MLLT1: variants seen among roughly 807,000 people sequenced by gnomAD.
MLLT1 encodes the protein protein ENL.
In MLLT1, 11 loss-of-function variants were observed where a neutral mutation model predicts 55.1. That is an observed-to-expected ratio of 0.20 (90% confidence interval 0.13 to 0.33). The LOEUF (loss-of-function observed/expected upper bound fraction) is 0.33, where lower values mean the gene tolerates loss of function less well. Ranked by LOEUF, MLLT1 falls within the 10% of genes least tolerant of loss-of-function variation. The pLI is 1.00. For missense variants in MLLT1, 536 were observed against 760.6 expected (o/e 0.70, Z 3.47); for synonymous variants, 323 against 320.1 (o/e 1.01, Z -0.10).
At chr19:6,245,575 C>T (rs565837409) in intron 3 of MLLT1, among the ~76,000 whole-genome samples, 7 of 152,138 alleles carry the variant, frequency 4.6e-5, no homozygotes, top group African/African-American at 1.4e-4. Context: ...GCCGGGCATG[C>T]TGGCAGGCAC....
intron 3 of MLLT1, among the ~76,000 whole-genome samples, chr19:6,245,882 C>A (rs1357419877): frequency 1.3e-5 from 2 of 152,012 alleles, no homozygotes; most frequent in African/African-American, 4.8e-5. Flanking sequence ...GCCTAAGCGA[C>A]ACAGTAAGGC....
chr19:6,248,467 C>A (rs889351766), intron 3 of MLLT1, among the ~76,000 whole-genome samples: 1 of 152,178 alleles, frequency 6.6e-6, no homozygotes, highest in Non-Finnish European at 1.5e-5. Flanking sequence ...TCAAGGTCAA[C>A]CTCGGCTGTT....
intron 4 of MLLT1, among the ~76,000 whole-genome samples, chr19:6,228,130 C>G (rs1050086007): frequency 2.6e-5 from 4 of 152,170 alleles, no homozygotes; most frequent in African/African-American, 9.7e-5. Flanking sequence ...TAGCTCAGCA[C>G]TGACAGCATG....
chr19:6,237,763 CAAAAA>C (rs1269996726), intron 3 of MLLT1, among the ~76,000 whole-genome samples: 3 of 71,768 alleles, frequency 4.2e-5, no homozygotes, highest in Non-Finnish European at 3.0e-5. Context: ...ACTCTTGTCT[CAAAAA>C]AAAAAAAAAA....
At chr19:6,237,105 G>A (rs986035388) in intron 3 of MLLT1, among the ~76,000 whole-genome samples, 9 of 152,240 alleles carry the variant, frequency 5.9e-5, no homozygotes, top group African/African-American at 1.2e-4. Context: ...CAGCGAGCCC[G>A]CCACGCCTGC....
At position 6,273,799 on chromosome 19, in the gene MLLT1, G is replaced by A. The variant is rs377266089; in HGVS notation, c.13-3040C>T. 3.5e-4 allele frequency among the ~76,000 whole-genome samples: 53 copies of A among 152,322 alleles called. No individual in the cohort carries two copies. The highest frequency in any genetic ancestry group is 1.0e-3 in the African/African-American group (43 of 41,570). On this transcript the variant is annotated intron_variant, in intron 1 of 11. Transcript: ENST00000252674. This position sits in a 1 kb window ranked among gnomAD's most constrained non-coding sequence, Gnocchi z 4.3. Reference sequence around the variant, plus strand: ...ACAATGACAGTGTCTCCTCGGAATCGCTTATTCACTGACCCGGCCACTCAG... The same window carrying A: ...ACAATGACAGTGTCTCCTCGGAATCACTTATTCACTGACCCGGCCACTCAG...
intron 1 of MLLT1, among the ~76,000 whole-genome samples, chr19:6,274,681 C>T (rs903176789): frequency 2.6e-5 from 4 of 152,184 alleles, no homozygotes; most frequent in African/African-American, 9.7e-5. Context: ...CTTCCCTGCA[C>T]CTCTGGGACC....
At chr19:6,213,672 T>TTGC in intron 10 of MLLT1, 54 bp downstream of exon 10, 131 of 1,075,124 alleles carry the variant, frequency 1.2e-4, no homozygotes, top group Middle Eastern at 2.1e-4. Flanking sequence ...TGGCTGCAAC[T>TTGC]CCCACCACCC....
intron 1 of MLLT1, among the ~76,000 whole-genome samples, chr19:6,272,022 C>G (rs1019651672): frequency 2.6e-5 from 4 of 152,256 alleles, no homozygotes; most frequent in African/African-American, 9.6e-5. Context: ...TCTCCGTCCC[C>G]CTCTGAGCTC....
intron 1 of MLLT1, among the ~76,000 whole-genome samples, chr19:6,278,932 G>C (rs1268956320): frequency 6.6e-6 from 1 of 152,110 alleles, no homozygotes; most frequent in Non-Finnish European, 1.5e-5. Context: ...ACAAAGAGAG[G>C]GGACACTCCA....
chr19:6,274,773 C>A (rs751800044), intron 1 of MLLT1, among the ~76,000 whole-genome samples: 11 of 152,228 alleles, frequency 7.2e-5, no homozygotes, highest in Non-Finnish European at 1.5e-4. Flanking sequence ...GTCCGTCTCA[C>A]TTCTGGGAAA....
At chr19:6,274,262 G>A (rs1005282069) in intron 1 of MLLT1, among the ~76,000 whole-genome samples, 3 of 152,328 alleles carry the variant, frequency 2.0e-5, no homozygotes, top group Middle Eastern at 3.4e-3. Flanking sequence ...TCAGTAAGAC[G>A]CTCAAGCCAC....
chr19:6,253,518 T>TA (rs1465656038), intron 3 of MLLT1, among the ~76,000 whole-genome samples: 3 of 151,946 alleles, frequency 2.0e-5, no homozygotes, highest in Non-Finnish European at 4.4e-5. Context: ...CAGACAAAGA[T>TA]ACCACAAGAA....
chr19:6,270,893 G>C lies in MLLT1; in HGVS notation c.13-134C>G. 1.2e-6 allele frequency: 1 copy of C among 839,030 alleles called. No individual in the cohort carries two copies. The highest frequency in any genetic ancestry group is 1.8e-6 in the Non-Finnish European group (1 of 561,878). 52.0% of individuals were successfully genotyped at this position (839,030 alleles called of 1,614,324 possible). A position where few individuals can be genotyped will look rare whatever the true frequency, so the allele number is the denominator to read the frequency against. On this transcript the variant is annotated intron_variant, in intron 1 of 11. Coordinates refer to ENST00000252674, the MANE Select transcript of MLLT1 (RefSeq NM_005934.4). This position sits in a 1 kb window ranked among gnomAD's most constrained non-coding sequence, Gnocchi z 7.1. ...CTCTCAACCCAGTGAGCAGCACACA[G>C]ACGGCTTCCTATCGCGCCAGCACCT...
At chr19:6,260,810 C>A (rs141233616) in intron 3 of MLLT1, among the ~76,000 whole-genome samples, 1 of 152,236 alleles carries the variant, frequency 6.6e-6, no homozygotes, top group Non-Finnish European at 1.5e-5. Flanking sequence ...TGCACCACTG[C>A]GCTCCAGCCT....
rs975084262 is a variant in MLLT1, at chr19:6,230,210, G to A, written c.420+360C>T. On this transcript the variant is annotated intron_variant, in intron 4 of 11. Transcript: ENST00000252674. This position sits in a 1 kb window ranked among gnomAD's most constrained non-coding sequence, Gnocchi z 9.0. ...CCGAAGTCAGAGGTGATGGCGATGC[G>A]CACGGCAGGGGCCCTGTGCGGAGGC... 2.0e-5 allele frequency among the ~76,000 whole-genome samples: 3 copies of A among 152,198 alleles called. No individual in the cohort carries two copies. Among genetic ancestry groups the A allele is most frequent in the Non-Finnish European group, 2.9e-5 (2 of 68,020 alleles).
chr19:6,272,562 C>T (rs9916953), intron 1 of MLLT1, among the ~76,000 whole-genome samples: 3,241 of 152,318 alleles, frequency 0.021, 132 homozygotes, highest in African/African-American at 0.074. Flanking sequence ...GACAGCTCCA[C>T]GGGAGCCCCT....
rs2091105835 is a variant in MLLT1, at chr19:6,240,669, A to C, written c.277-9956T>G. ...CAGATTCAAAAGCGCTGTGGGGGTG[A>C]TGTCAGACGCACAGGGAGAGACTGG... On this transcript the variant is annotated intron_variant, in intron 3 of 11. Coordinates refer to ENST00000252674, the MANE Select transcript of MLLT1 (RefSeq NM_005934.4). This position sits in a 1 kb window ranked among gnomAD's most constrained non-coding sequence, Gnocchi z 4.7. Among the ~76,000 whole-genome samples, 1 of 152,120 alleles carries C rather than the reference A, an allele frequency of 6.6e-6. No individual in the cohort carries two copies. The highest frequency in any genetic ancestry group is 1.5e-5 in the Non-Finnish European group (1 of 67,998).
At position 6,231,577 on chromosome 19, in the gene MLLT1, T is replaced by A. The variant is rs1028912953; in HGVS notation, c.277-864A>T. Among the ~76,000 whole-genome samples, 9 of 151,962 alleles carry A rather than the reference T, an allele frequency of 5.9e-5. No homozygotes were observed. The highest frequency in any genetic ancestry group is 5.9e-5 in the Non-Finnish European group (4 of 67,972). ...CCCAGGCTGGAGTGCAGTGGCGCGA[T>A]CTCGGCTCACTGCAAGCTCCACCTC... On this transcript the variant is annotated intron_variant, in intron 3 of 11. Transcript: ENST00000252674. This position sits in a 1 kb window ranked among gnomAD's most constrained non-coding sequence, Gnocchi z 5.1.
Sources: gnomAD v4.1 joint callset for allele counts (sites outside exome capture counted in the v4.1 genomes callset) on GRCh38, gnomAD v4.1.1 for gene constraint, Gnocchi (gnomAD v3.1) non-coding constraint, MANE v1.5 for transcripts, NCBI Gene and HGNC (gene_info 2026-07-23, HGNC 2026-07-21) for gene names.